NLGN1: variants seen among roughly 807,000 people sequenced by gnomAD.
NLGN1 encodes neuroligin 1, also known as neuroligin-1.
A neutral mutation model predicts 65.5 loss-of-function variants in NLGN1; 12 were observed. That is an observed-to-expected ratio of 0.18 (90% confidence interval 0.12 to 0.30). The LOEUF is 0.30. Ranked by LOEUF, NLGN1 falls within the 10% of genes least tolerant of loss-of-function variation. The pLI is 1.00. For missense variants in NLGN1, 750 were observed against 1,007.1 expected (o/e 0.74, Z 3.46); for synonymous variants, 350 against 359.5 (o/e 0.97, Z 0.30).
intron 4 of NLGN1, among the ~76,000 whole-genome samples, chr3:174,269,976 G>T (rs1749035553): frequency 6.6e-6 from 1 of 151,670 alleles, no homozygotes; most frequent in Non-Finnish European, 1.5e-5. Context: ...TCTCTTTGAA[G>T]AAATATCTAT....
chr3:173,654,811 A>G (rs1442686898), intron 3 of NLGN1, among the ~76,000 whole-genome samples: 1 of 152,182 alleles, frequency 6.6e-6, no homozygotes, highest in East Asian at 1.9e-4. Flanking sequence ...GAAATGGCCA[A>G]TGTAGTTAGA....
At chr3:174,212,284 C>T (rs949860341) in intron 4 of NLGN1, among the ~76,000 whole-genome samples, 7 of 152,210 alleles carry the variant, frequency 4.6e-5, no homozygotes, top group African/African-American at 1.7e-4. Flanking sequence ...CCCTCCAAGC[C>T]CACGCCTACC....
At chr3:173,724,286 CT>C (rs1314468950) in intron 3 of NLGN1, among the ~76,000 whole-genome samples, 1 of 152,106 alleles carries the variant, frequency 6.6e-6, no homozygotes, top group African/African-American at 2.4e-5. Flanking sequence ...ACTATTCACA[CT>C]TTTTTTGAGA....
At chr3:173,767,767 T>C (rs1031227339) in intron 3 of NLGN1, among the ~76,000 whole-genome samples, 3 of 152,006 alleles carry the variant, frequency 2.0e-5, no homozygotes, top group Non-Finnish European at 2.9e-5. Context: ...ATTCTATATA[T>C]TTAAGTTTTA....
intron 4 of NLGN1, among the ~76,000 whole-genome samples, chr3:174,218,206 A>G (rs939281385): frequency 6.6e-6 from 1 of 152,090 alleles, no homozygotes; most frequent in African/African-American, 2.4e-5. Flanking sequence ...CTTACTAAGA[A>G]AACTATGACT....
intron 3 of NLGN1, among the ~76,000 whole-genome samples, chr3:173,779,061 CTAAAGT>C (rs1405454100): frequency 2.6e-5 from 4 of 151,036 alleles, no homozygotes; most frequent in Admixed American, 6.6e-5. Flanking sequence ...AAGAACATTC[CTAAAGT>C]TAGAGTTCAT....
At chr3:173,569,032 A>G (rs919081256) in intron 2 of NLGN1, among the ~76,000 whole-genome samples, 1 of 151,980 alleles carries the variant, frequency 6.6e-6, no homozygotes, top group Admixed American at 6.6e-5. Flanking sequence ...TTCCCCAAGG[A>G]AAAAAAATGC....
Position 174,248,488 on chromosome 3 carries a change from G to A in NLGN1, c.647-26827G>A, listed in dbSNP as rs902484623. 6.9e-4 allele frequency among the ~76,000 whole-genome samples: 105 copies of A among 152,250 alleles called. 1 individual carries two copies. The highest frequency in any genetic ancestry group is 2.4e-3 in the African/African-American group (99 of 41,568). ...AATATGGACTGTATAGGCTGGGCAC[G>A]GTGGCTCACGCCTGTAATCCCAGCA... On this transcript the variant is annotated intron_variant, in intron 4 of 6. Coordinates refer to ENST00000457714, the Ensembl canonical transcript of NLGN1.
intron 3 of NLGN1, among the ~76,000 whole-genome samples, chr3:173,722,313 G>C (rs965958667): frequency 3.6e-5 from 5 of 139,392 alleles, no homozygotes. Context: ...GCGTGATCTT[G>C]GCTCACTGCA....
chr3:173,761,691 A>G (rs554926618), intron 3 of NLGN1, among the ~76,000 whole-genome samples: 11 of 152,140 alleles, frequency 7.2e-5, no homozygotes, highest in African/African-American at 2.6e-4. Context: ...TATTTCTTCT[A>G]GTCTGGTAGC....
At chr3:174,094,073 G>A (rs557715618) in intron 4 of NLGN1, among the ~76,000 whole-genome samples, 104 of 152,194 alleles carry the variant, frequency 6.8e-4, no homozygotes, top group Non-Finnish European at 1.3e-3. Context: ...ATATACCGTA[G>A]TGTGCTGTAT....
chr3:173,784,329 C>T (rs187728385), intron 3 of NLGN1, among the ~76,000 whole-genome samples: 69 of 152,214 alleles, frequency 4.5e-4, no homozygotes, highest in Non-Finnish European at 9.6e-4. Flanking sequence ...CTGGAAGCCA[C>T]AAAGGACTAG....
chr3:173,979,919 T>C (rs927859684), intron 4 of NLGN1, among the ~76,000 whole-genome samples: 11 of 152,094 alleles, frequency 7.2e-5, no homozygotes, highest in Non-Finnish European at 1.5e-4. Context: ...ATCTGGCACC[T>C]TATCAATAAC....
Position 173,859,761 on chromosome 3 carries a change from T to A in NLGN1, c.646+51929T>A, listed in dbSNP as rs1728702313. On this transcript the variant is annotated intron_variant, in intron 4 of 6. Transcript: ENST00000457714. ...GGTCTAAACAATTTGTTTTATAAAT[T>A]TGAAATTATTATTCAAGATTGTTGT... 2.0e-5 allele frequency among the ~76,000 whole-genome samples: 3 copies of A among 152,236 alleles called. No homozygotes were observed. The South Asian group carries it at 6.2e-4, about 31-fold the overall frequency.
intron 4 of NLGN1, among the ~76,000 whole-genome samples, chr3:174,130,173 G>A (rs992378790): frequency 6.6e-6 from 1 of 152,148 alleles, no homozygotes; most frequent in African/African-American, 2.4e-5. Flanking sequence ...TCAGGAGTTC[G>A]AGACCAGCCT....
At chr3:173,505,478 CT>C (rs1259848325) in intron 2 of NLGN1, among the ~76,000 whole-genome samples, 4 of 152,056 alleles carry the variant, frequency 2.6e-5, no homozygotes, top group Admixed American at 1.3e-4. Context: ...CCATAATGCC[CT>C]TTAGAATTTA....
intron 4 of NLGN1, among the ~76,000 whole-genome samples, chr3:174,103,839 C>G (rs997731906): frequency 5.9e-5 from 9 of 151,790 alleles, no homozygotes; most frequent in African/African-American, 2.2e-4. Flanking sequence ...GGAAAATGGC[C>G]AGAGCATATA....
At chr3:174,015,168 G>A (rs146042961) in intron 4 of NLGN1, among the ~76,000 whole-genome samples, 167 of 152,086 alleles carry the variant, frequency 1.1e-3, no homozygotes, top group African/African-American at 4.0e-3. Context: ...TAATTTTATG[G>A]TTATCAGTTA....
At chr3:173,666,670 A>G (rs1328041779) in intron 3 of NLGN1, among the ~76,000 whole-genome samples, 1 of 152,180 alleles carries the variant, frequency 6.6e-6, no homozygotes, top group Non-Finnish European at 1.5e-5. Context: ...GATGTGTTGT[A>G]CATTCATTGC....
Sources: gnomAD v4.1 joint callset for allele counts (sites outside exome capture counted in the v4.1 genomes callset) on GRCh38, gnomAD v4.1.1 for gene constraint, MANE v1.5 for transcripts, NCBI Gene and HGNC (gene_info 2026-07-23, HGNC 2026-07-21) for gene names.